TIAM2: variants seen among roughly 807,000 people sequenced by gnomAD.
The protein encoded by TIAM2 is rho guanine nucleotide exchange factor TIAM2.
In TIAM2, 80 loss-of-function variants were observed where a neutral mutation model predicts 152.9. That is an observed-to-expected ratio of 0.52 (90% CI 0.44 to 0.63). TIAM2 has a LOEUF of 0.63. Ranked by LOEUF, TIAM2 falls within the 30% of genes least tolerant of loss-of-function variation. The probability of loss-of-function intolerance (pLI) is 0.00; values close to 1 mark genes in which losing one functional copy is unlikely to be tolerated. For synonymous variants in TIAM2, 804 were observed against 838.0 expected, an observed-to-expected ratio of 0.96 and a Z score of 0.70; for missense variants, 1,965 against 2,120.1, an observed-to-expected ratio of 0.93 and a Z score of 1.44.
chr6:155,015,691 C>T (rs1374809203), intron 1 of TIAM2, among the ~76,000 whole-genome samples: 2 of 152,088 alleles, frequency 1.3e-5, no homozygotes, highest in African/African-American at 4.8e-5. Flanking sequence ...AATCCCAGCA[C>T]TTTGGGAGGC....
At chr6:155,073,248 C>T (rs1237032109) in intron 1 of TIAM2, among the ~76,000 whole-genome samples, 1 of 150,206 alleles carries the variant, frequency 6.7e-6, no homozygotes, top group East Asian at 2.0e-4. Flanking sequence ...CTGCAACCTC[C>T]ACCTCCCGGG....
intron 9 of TIAM2, among the ~76,000 whole-genome samples, chr6:155,170,423 C>CT (rs1780557040): frequency 6.6e-6 from 1 of 152,078 alleles, no homozygotes; most frequent in Admixed American, 6.6e-5. Context: ...TGAGACTAGC[C>CT]TGGGCAACAT....
rs1776748118 is a variant in TIAM2, at chr6:155,029,416, ACTATATATAC to A, written c.-209+33925_-209+33934del. On this transcript the variant is annotated intron_variant, in intron 1 of 26. Transcript: ENST00000682666. ...ATATACTATAGTATATATAATATAT[ACTATATATAC>A]TATAGTATATATTATACTATAGTAT... Among the ~76,000 whole-genome samples, 2 of 88,060 alleles carry A rather than the reference ACTATATATAC, an allele frequency of 2.3e-5. 1 individual carries two copies. The highest frequency in any genetic ancestry group is 4.0e-4 in the Admixed American group (2 of 5,000). 57.8% of individuals were successfully genotyped at this position (88,060 alleles called of 152,430 possible).
At chr6:155,055,153 T>C (rs537351630) in intron 1 of TIAM2, among the ~76,000 whole-genome samples, 1 of 152,302 alleles carries the variant, frequency 6.6e-6, no homozygotes, top group East Asian at 1.9e-4. Context: ...TTGCAGAACG[T>C]AATTCATTAA....
At chr6:155,044,197 A>G (rs993575252) in intron 1 of TIAM2, among the ~76,000 whole-genome samples, 7 of 152,200 alleles carry the variant, frequency 4.6e-5, no homozygotes, top group African/African-American at 1.7e-4. Context: ...TTCACAGAAG[A>G]TAAATACAAG....
intron 1 of TIAM2, among the ~76,000 whole-genome samples, chr6:155,028,864 ACTATC>A (rs1238973420): frequency 8.0e-6 from 1 of 125,096 alleles, no homozygotes; most frequent in Non-Finnish European, 1.6e-5. Flanking sequence ...CACTGTATAT[ACTATC>A]TATACTATGT....
intron 15 of TIAM2, among the ~76,000 whole-genome samples, chr6:155,223,806 G>A (rs1302989522): frequency 1.3e-5 from 2 of 152,134 alleles, no homozygotes; most frequent in Admixed American, 6.5e-5. Context: ...TGTGGCTCCT[G>A]TGTTCCCCGG....
chr6:155,061,416 A>T (rs1777577486), intron 1 of TIAM2, among the ~76,000 whole-genome samples: 1 of 148,456 alleles, frequency 6.7e-6, no homozygotes, highest in Non-Finnish European at 1.5e-5. Flanking sequence ...GCTTCTACTT[A>T]CATCTGCAAC....
intron 1 of TIAM2, among the ~76,000 whole-genome samples, chr6:155,059,329 C>CGTGTGTGCGT (rs1554227496): frequency 6.0e-5 from 9 of 149,290 alleles, no homozygotes; most frequent in East Asian, 4.1e-4. Context: ...TGTGTGTGCG[C>CGTGTGTGCGT]GTGTATGTTT....
chr6:155,100,647 C>A (rs145614730), intron 2 of TIAM2, among the ~76,000 whole-genome samples: 105 of 152,286 alleles, frequency 6.9e-4, no homozygotes, highest in Non-Finnish European at 1.2e-3. Context: ...CCTGGACTTT[C>A]AACAGTAAAC....
chr6:155,253,803 C>T (rs1221315900), intron 24 of TIAM2, 170 bp from the exon 25 acceptor site: 1 of 548,080 alleles, frequency 1.8e-6, no homozygotes, highest in Admixed American at 3.6e-5. Flanking sequence ...AAAGGCATTT[C>T]AGTTCTTGTA....
intron 1 of TIAM2, among the ~76,000 whole-genome samples, chr6:155,070,549 T>C (rs554526004): frequency 3.3e-5 from 5 of 152,262 alleles, no homozygotes; most frequent in Non-Finnish European, 7.4e-5. Context: ...AAATTTGATT[T>C]ACTTTGGCTG....
At chr6:155,112,863 C>T (rs754880957) in intron 2 of TIAM2, among the ~76,000 whole-genome samples, 3 of 152,036 alleles carry the variant, frequency 2.0e-5, no homozygotes, top group Admixed American at 6.6e-5. Flanking sequence ...CAGCTGTGTC[C>T]GGAGGCAGCC....
intron 1 of TIAM2, among the ~76,000 whole-genome samples, chr6:155,028,234 T>C (rs1365687737): frequency 7.7e-6 from 1 of 130,508 alleles, no homozygotes; most frequent in African/African-American, 2.8e-5. Flanking sequence ...ATATACTACA[T>C]ATAATATATG....
At chr6:155,010,673 C>A (rs1312922651) in intron 1 of TIAM2, among the ~76,000 whole-genome samples, 5 of 152,122 alleles carry the variant, frequency 3.3e-5, no homozygotes, top group Non-Finnish European at 7.4e-5. Flanking sequence ...CAGGCTGGTA[C>A]CTCCCAACCT....
intron 14 of TIAM2, 34 bp downstream of exon 14, chr6:155,183,534 T>C (rs1356304464): frequency 6.4e-7 from 1 of 1,563,384 alleles, no homozygotes; most frequent in South Asian, 1.2e-5. Context: ...TCTTAACTGC[T>C]GGTATCAACA....
In TIAM2 at chr6:155,029,484, A is replaced by AATATATACT. The variant is rs1267863950; in HGVS notation, c.-209+33992_-209+33993insATATATACT. On this transcript the variant is annotated intron_variant, in intron 1 of 26. Transcript: ENST00000682666. ...ATATAATATATACTATAGTATATAT[A>AATATATACT]CTATAGTATATATTATATATAATAT... Among the ~76,000 whole-genome samples, 7 of 13,776 alleles carry AATATATACT rather than the reference A, an allele frequency of 5.1e-4. 1 individual carries two copies. Among genetic ancestry groups the AATATATACT allele is most frequent in the African/African-American group, 1.5e-3 (7 of 4,766 alleles). 9.0% of individuals were successfully genotyped at this position (13,776 alleles called of 152,430 possible).
At chr6:155,089,185 TAGG>T (rs971665089) in intron 1 of TIAM2, among the ~76,000 whole-genome samples, 68 of 143,806 alleles carry the variant, frequency 4.7e-4, no homozygotes, top group African/African-American at 1.5e-3. Context: ...TTCTCCATAA[TAGG>T]AGAGGATCCA....
At chr6:155,067,607 A>T (rs1777728217) in intron 1 of TIAM2, among the ~76,000 whole-genome samples, 1 of 149,788 alleles carries the variant, frequency 6.7e-6, no homozygotes, top group Non-Finnish European at 1.5e-5. Context: ...CTTTGTGCTA[A>T]CCTAGTTAGA....
Sources: gnomAD v4.1 joint callset for allele counts (sites outside exome capture counted in the v4.1 genomes callset) on GRCh38, gnomAD v4.1.1 for gene constraint, MANE v1.5 for transcripts, NCBI Gene and HGNC (gene_info 2026-07-23, HGNC 2026-07-21) for gene names.